WDR7: variants seen among roughly 807,000 people sequenced by gnomAD.
WDR7 encodes WD repeat-containing protein 7.
WDR7 carries 46 observed loss-of-function variants against 169.4 expected under a neutral mutation model. That is an observed-to-expected ratio of 0.27 (90% CI 0.21 to 0.35). WDR7 has a LOEUF of 0.35. Ranked by LOEUF, WDR7 falls within the 10% of genes least tolerant of loss-of-function variation. The pLI, the probability that WDR7 is intolerant of heterozygous loss-of-function variation, is 1.00. For synonymous variants in WDR7, 612 were observed against 666.8 expected (o/e 0.92, Z 1.27); for missense variants, 1,534 against 1,859.3 (o/e 0.83, Z 3.22).
At chr18:56,968,818 C>T (rs1180597091) in intron 26 of WDR7, among the ~76,000 whole-genome samples, 1 of 152,174 alleles carries the variant, frequency 6.6e-6, no homozygotes. Flanking sequence ...TCTATCTTCC[C>T]TTAACTTCCA....
chr18:56,987,503 A>G (rs1360360716), intron 26 of WDR7, among the ~76,000 whole-genome samples: 2 of 152,182 alleles, frequency 1.3e-5, no homozygotes, highest in Non-Finnish European at 2.9e-5. Context: ...CTGTTATTTG[A>G]TAAAGATAAT....
chr18:57,019,520 T>A (rs185108430), intron 26 of WDR7, among the ~76,000 whole-genome samples: 1 of 151,626 alleles, frequency 6.6e-6, no homozygotes, highest in Non-Finnish European at 1.5e-5. Flanking sequence ...CCAACATAAC[T>A]TTTTTTTTGA....
rs374189754 is a variant in WDR7 at position 56,878,660 on chromosome 18, A to G, written c.3305-1284A>G. ...TTGGGGTTGTGCAGATATTACCTCA[A>G]TCTAATTTTAGAACATTTTCATTAC... On this transcript the variant is annotated intron_variant, in intron 20 of 27. Transcript: ENST00000254442. Among the ~76,000 whole-genome samples the G allele has an allele frequency of 2.0e-3, 302 of 152,282 alleles. 2 individuals carry two copies. The highest frequency in any genetic ancestry group is 0.01 in the South Asian group (50 of 4,826).
chr18:56,992,078 G>A (rs954929037), intron 26 of WDR7, among the ~76,000 whole-genome samples: 4 of 152,142 alleles, frequency 2.6e-5, no homozygotes, highest in African/African-American at 9.7e-5. Context: ...TACTCATAAT[G>A]AAAAAGAATA....
intron 20 of WDR7, among the ~76,000 whole-genome samples, chr18:56,841,342 G>A (rs1033958004): frequency 6.6e-6 from 1 of 152,102 alleles, no homozygotes; most frequent in African/African-American, 2.4e-5. Flanking sequence ...AGGAGTTTGA[G>A]ACCAGCCTGG....
At chr18:56,762,033 T>G (rs1407322769) in intron 16 of WDR7, among the ~76,000 whole-genome samples, 1 of 152,114 alleles carries the variant, frequency 6.6e-6, no homozygotes, top group African/African-American at 2.4e-5. Flanking sequence ...ATTCCTTCTT[T>G]GCTAATGTTT....
intron 12 of WDR7, among the ~76,000 whole-genome samples, chr18:56,707,844 A>G (rs1284828216): frequency 6.6e-6 from 1 of 152,080 alleles, no homozygotes; most frequent in South Asian, 2.1e-4. Flanking sequence ...TCCTTTCAAA[A>G]CAAAGAGGTG....
chr18:56,836,543 C>T (rs564834991), intron 20 of WDR7, among the ~76,000 whole-genome samples: 1 of 152,342 alleles, frequency 6.6e-6, no homozygotes, highest in South Asian at 2.1e-4. Flanking sequence ...TATTGTATAT[C>T]AGTCAACCCT....
At position 56,694,997 on chromosome 18, in the gene WDR7, C is replaced by T; in HGVS notation, c.1156C>T (p.Leu386=). The T allele has an allele frequency of 6.2e-7, 1 of 1,614,168 alleles. No homozygotes were observed. The highest frequency in any genetic ancestry group is 1.1e-5 in the South Asian group (1 of 91,084). The change falls in exon 11 of 28, where the codon CTG becomes TTG. Residue 386 remains leucine (L), a synonymous_variant. Coordinates refer to ENST00000254442, the MANE Select transcript of WDR7 (RefSeq NM_015285.3). ...SISLQEAFDK[L]NPCPAGIIDQ... is the part of the protein sequence containing the mutation. ...TAGTTTGCAAGAGGCATTTGATAAA[C>T]TGAATCCTTGTCCTGCTGGAATTAT... is the stretch of plus-strand genomic sequence containing the variant.
chr18:56,681,161 C>A, intron 3 of WDR7, 152 bp from the exon 4 acceptor site: 1 of 609,716 alleles, frequency 1.6e-6, no homozygotes, highest in Non-Finnish European at 2.8e-6. Flanking sequence ...CGAGGGAGGA[C>A]TGGAAATTTT....
chr18:56,667,602 G>A (rs962240984), intron 1 of WDR7, among the ~76,000 whole-genome samples: 1 of 151,998 alleles, frequency 6.6e-6, no homozygotes, highest in African/African-American at 2.4e-5. Context: ...CTAAATTGTC[G>A]ATACTTCCCT....
chr18:56,744,292 T>G (rs1241014853), intron 14 of WDR7, among the ~76,000 whole-genome samples: 3 of 144,602 alleles, frequency 2.1e-5, no homozygotes, highest in Non-Finnish European at 4.5e-5. Context: ...GCTGGGTGTC[T>G]GGATGGATAT....
At chr18:56,714,658 T>TC (rs1250436051) in intron 12 of WDR7, among the ~76,000 whole-genome samples, 10 of 151,802 alleles carry the variant, frequency 6.6e-5, no homozygotes, top group Non-Finnish European at 1.3e-4. Flanking sequence ...AGGTGATCCA[T>TC]CCCCCTCGAC....
intron 1 of WDR7, among the ~76,000 whole-genome samples, chr18:56,656,032 A>G (rs970834657): frequency 6.6e-6 from 1 of 152,196 alleles, no homozygotes; most frequent in Non-Finnish European, 1.5e-5. Flanking sequence ...TGTTACAGAT[A>G]AAGCTGCTGT....
At chr18:56,705,948 A>G (rs1378264713) in intron 12 of WDR7, among the ~76,000 whole-genome samples, 1 of 152,208 alleles carries the variant, frequency 6.6e-6, no homozygotes, top group Non-Finnish European at 1.5e-5. Context: ...CAGTGAGCTG[A>G]GATTGCGCCA....
intron 25 of WDR7, among the ~76,000 whole-genome samples, chr18:56,959,930 G>A (rs1326901656): frequency 1.3e-5 from 2 of 152,166 alleles, no homozygotes; most frequent in African/African-American, 4.8e-5. Context: ...CCTCAGCAGG[G>A]ATTGGTTCAC....
chr18:56,999,795 C>T (rs776895269), intron 26 of WDR7, among the ~76,000 whole-genome samples: 2 of 152,122 alleles, frequency 1.3e-5, no homozygotes, highest in African/African-American at 2.4e-5. Context: ...TAGAAAACTG[C>T]GGAGAACCTT....
At chr18:56,816,486 A>G (rs1258217728) in intron 20 of WDR7, among the ~76,000 whole-genome samples, 1 of 152,194 alleles carries the variant, frequency 6.6e-6, no homozygotes, top group Non-Finnish European at 1.5e-5. Context: ...AGATTTTGCA[A>G]CTATCAGGTA....
chr18:56,854,202 A>G (rs1427904405), intron 20 of WDR7, among the ~76,000 whole-genome samples: 3 of 152,166 alleles, frequency 2.0e-5, no homozygotes, highest in Non-Finnish European at 2.9e-5. Flanking sequence ...CAGTCCTCAC[A>G]CTGTCTGCCG....
Sources: allele counts gnomAD v4.1 joint callset (sites outside exome capture counted in the v4.1 genomes callset), GRCh38; gene constraint gnomAD v4.1.1; transcripts MANE v1.5; gene names NCBI Gene and HGNC (gene_info 2026-07-23, HGNC 2026-07-21).